GNAO1: variants seen among roughly 807,000 people sequenced by gnomAD.
GNAO1 encodes G protein subunit alpha o1, also known as guanine nucleotide-binding protein G(o) subunit alpha.
For synonymous variants in GNAO1, 164 were observed against 180.7 expected (o/e 0.91, Z 0.74); for missense variants, 166 against 478.7 (o/e 0.35, Z 6.10).
intron 2 of GNAO1, among the ~76,000 whole-genome samples, chr16:56,250,468 T>G (rs1255444341): frequency 6.6e-6 from 1 of 152,146 alleles, no homozygotes; most frequent in Non-Finnish European, 1.5e-5. Flanking sequence ...GATGCCAGGT[T>G]TAGTTGGGTG....
intron 2 of GNAO1, among the ~76,000 whole-genome samples, chr16:56,207,396 A>G (rs775173897): frequency 3.3e-5 from 5 of 152,226 alleles, no homozygotes; most frequent in African/African-American, 4.8e-5. Flanking sequence ...AATTCCCTAA[A>G]TGGTAGCTAT....
At chr16:56,325,575 C>T (rs560918542) in intron 3 of GNAO1, among the ~76,000 whole-genome samples, 19 of 152,240 alleles carry the variant, frequency 1.2e-4, no homozygotes, top group Admixed American at 1.1e-3. Flanking sequence ...GTATGCGACT[C>T]TCAGACCCCA....
intron 2 of GNAO1, among the ~76,000 whole-genome samples, chr16:56,232,311 C>T (rs993325401): frequency 3.3e-5 from 5 of 152,214 alleles, no homozygotes; most frequent in African/African-American, 7.2e-5. Context: ...CCCAGTAAGA[C>T]GAATAGTGTT....
Position 56,192,004 on chromosome 16 carries a change from G to C in GNAO1, c.-232G>C. The C allele has an allele frequency of 4.1e-6, 2 of 491,646 alleles. No homozygotes were observed. The highest frequency in any genetic ancestry group is 7.2e-6 in the Non-Finnish European group (2 of 278,174). The allele number at this position is 491,646 out of a possible 1,614,324, so 30.5% of individuals were successfully genotyped here. ...CCCAGACCCCGGCCACCCTCGATTCGACAACCCCAGACCCCTGCCAGCTGC... is the reference window on the plus strand; with the variant it reads ...CCCAGACCCCGGCCACCCTCGATTCCACAACCCCAGACCCCTGCCAGCTGC... On this transcript the variant is annotated 5_prime_UTR_variant, in exon 1 of 9. Coordinates refer to ENST00000262493, the MANE Select transcript of GNAO1 (RefSeq NM_020988.3).
At chr16:56,286,536 C>G (rs1215037994) in intron 3 of GNAO1, among the ~76,000 whole-genome samples, 2 of 152,158 alleles carry the variant, frequency 1.3e-5, no homozygotes, top group African/African-American at 4.8e-5. Context: ...TCCACAGCAT[C>G]ACTCCTGCAC....
Position 56,354,470 on chromosome 16 carries a change from G to A in GNAO1, c.878-396G>A, listed in dbSNP as rs1476719351. Among the ~76,000 whole-genome samples the A allele has an allele frequency of 1.3e-5, 2 of 152,212 alleles. No homozygotes were observed. Among genetic ancestry groups the A allele is most frequent in the African/African-American group, 4.8e-5 (2 of 41,452 alleles). On this transcript the variant is annotated intron_variant, in intron 7 of 8. Coordinates refer to ENST00000262493, the MANE Select transcript of GNAO1 (RefSeq NM_020988.3). This position sits in a 1 kb window ranked among gnomAD's most constrained non-coding sequence, Gnocchi z 4.3. ...GCAGGTGGATCACCTGAGGTCAGGAGTTCGAGACCAACCTGGCCAACATGG... is the reference window on the plus strand; with the variant it reads ...GCAGGTGGATCACCTGAGGTCAGGAATTCGAGACCAACCTGGCCAACATGG...
chr16:56,275,707 T>C (rs1249532410), intron 2 of GNAO1, among the ~76,000 whole-genome samples: 6 of 152,254 alleles, frequency 3.9e-5, no homozygotes, highest in African/African-American at 1.4e-4. Context: ...TCTTTCATTA[T>C]GTAGGGAATG....
intron 3 of GNAO1, among the ~76,000 whole-genome samples, chr16:56,327,627 G>T (rs1259542998): frequency 6.6e-6 from 1 of 152,196 alleles, no homozygotes; most frequent in Non-Finnish European, 1.5e-5. Context: ...TCCTGGTTGT[G>T]ATGTTACATG....
chr16:56,213,782 C>G (rs926336346), intron 2 of GNAO1, among the ~76,000 whole-genome samples: 1 of 152,064 alleles, frequency 6.6e-6, no homozygotes, highest in Admixed American at 6.5e-5. Flanking sequence ...GGCTCCAAGT[C>G]CCGAGTCTGC....
intron 3 of GNAO1, 43 bp from the exon 4 acceptor site, chr16:56,328,588 C>A: frequency 6.3e-7 from 1 of 1,599,760 alleles, no homozygotes; most frequent in Non-Finnish European, 8.6e-7. Flanking sequence ...GGTCTTCTGT[C>A]CCCACCAAAG....
intron 2 of GNAO1, among the ~76,000 whole-genome samples, chr16:56,249,995 G>A (rs144584035): frequency 1.4e-4 from 22 of 152,304 alleles, no homozygotes; most frequent in Non-Finnish European, 2.5e-4. Flanking sequence ...ACACAGCTCA[G>A]ACTTGGCCAA....
At chr16:56,308,155 C>G (rs2143600259) in intron 3 of GNAO1, 1 of 152,314 alleles carries the variant, frequency 6.6e-6, no homozygotes, top group Non-Finnish European at 1.5e-5. Context: ...ATGGGAAGCA[C>G]AGAAATGCCA....
intron 2 of GNAO1, among the ~76,000 whole-genome samples, chr16:56,202,849 A>C (rs941060034): frequency 6.6e-6 from 1 of 152,246 alleles, no homozygotes; most frequent in Non-Finnish European, 1.5e-5. Context: ...TCTCACACCT[A>C]TTATGCATTA....
At chr16:56,238,721 A>T (rs1401340240) in intron 2 of GNAO1, among the ~76,000 whole-genome samples, 1 of 152,220 alleles carries the variant, frequency 6.6e-6, no homozygotes, top group Admixed American at 6.5e-5. Context: ...CGCATTTTTT[A>T]AAGTAATAAT....
At chr16:56,330,770 A>G (rs2037680962) in intron 4 of GNAO1, among the ~76,000 whole-genome samples, 1 of 152,262 alleles carries the variant, frequency 6.6e-6, no homozygotes, top group African/African-American at 2.4e-5. Flanking sequence ...ACTTTAAATA[A>G]GAAACTTGAG....
rs777599601 is a variant in GNAO1 at position 56,355,088 on chromosome 16, A to G, written c.*28+7A>G. ...CTGTATAGCAACCTATTTGGTAATG[A>G]TTCCAGCACCCACAGAACAGCTTGC... On this transcript the variant is annotated splice_region_variant and intron_variant, in intron 8 of 8. Transcript: ENST00000262493. 7.1e-7 allele frequency: 1 copy of G among 1,416,786 alleles called. No individual in the cohort carries two copies. Among genetic ancestry groups the G allele is most frequent in the South Asian group, 1.2e-5 (1 of 83,810 alleles). 87.8% of individuals were successfully genotyped at this position (1,416,786 alleles called of 1,614,324 possible).
At chr16:56,257,689 G>GA (rs1318156682) in intron 2 of GNAO1, among the ~76,000 whole-genome samples, 14 of 151,416 alleles carry the variant, frequency 9.2e-5, no homozygotes, top group African/African-American at 1.7e-4. Context: ...TTATTAGGAT[G>GA]AAAAAAAAAT....
intron 6 of GNAO1, among the ~76,000 whole-genome samples, chr16:56,337,687 G>T (rs1354294094): frequency 2.0e-5 from 3 of 151,044 alleles, no homozygotes; most frequent in Admixed American, 6.6e-5. Context: ...AGTGGGGTGG[G>T]TGATGCGTGT....
chr16:56,208,961 C>G (rs2143325498), intron 2 of GNAO1, among the ~76,000 whole-genome samples: 1 of 152,074 alleles, frequency 6.6e-6, no homozygotes, highest in African/African-American at 2.4e-5. Context: ...GTGTTTTATG[C>G]TAAACAGATA....
Sources: allele counts gnomAD v4.1 joint callset (sites outside exome capture counted in the v4.1 genomes callset), GRCh38; gene constraint gnomAD v4.1.1; non-coding constraint Gnocchi (gnomAD v3.1); transcripts MANE v1.5; gene names NCBI Gene and HGNC (gene_info 2026-07-23, HGNC 2026-07-21).